MGST1: variants seen among roughly 807,000 people sequenced by gnomAD.
The protein encoded by MGST1 is microsomal glutathione S-transferase 1, also known as glutathione S-transferase 12.
A neutral mutation model predicts 8.9 loss-of-function variants in MGST1; 5 were observed. The ratio of observed to expected loss-of-function variants is 0.56; its 90% CI spans 0.29 to 1.19. The LOEUF (loss-of-function observed/expected upper bound fraction) is 1.19, where lower values mean the gene tolerates loss of function less well. Among genes scored for constraint, MGST1 ranks in the 50% most tolerant of loss-of-function variants. The pLI, the probability that MGST1 is intolerant of heterozygous loss-of-function variation, is 0.08. For missense variants in MGST1, 182 were observed against 187.4 expected (o/e 0.97, Z 0.17); for synonymous variants, 54 against 67.8 (o/e 0.80, Z 1.00).
intron 4 of MGST1, among the ~76,000 whole-genome samples, chr12:16,528,963 A>T (rs1424101071): frequency 3.3e-5 from 5 of 151,998 alleles, no homozygotes; most frequent in Admixed American, 3.3e-4. Context: ...TTGTTAGAAG[A>T]TGAAAGTCAG....
chr12:16,392,359 T>G (rs370654294), intron 1 of MGST1, among the ~76,000 whole-genome samples: 3 of 152,326 alleles, frequency 2.0e-5, no homozygotes, highest in Non-Finnish European at 4.4e-5. Context: ...GTTAATTTCA[T>G]TGGCACTCTC....
chr12:16,411,468 A>T (rs1206272698), intron 1 of MGST1, among the ~76,000 whole-genome samples: 1 of 152,248 alleles, frequency 6.6e-6, no homozygotes, highest in East Asian at 1.9e-4. Context: ...TGTGTTAAAT[A>T]TAACAGATTA....
chr12:16,377,379 G>C (rs370215905), downstream of MGST1, among the ~76,000 whole-genome samples: 1 of 142,844 alleles, frequency 7.0e-6, no homozygotes, highest in Admixed American at 7.6e-5. Context: ...TCCCACCTAT[G>C]AGTGAGAACA....
At chr12:16,435,585 A>G (rs1263269745) in intron 1 of MGST1, among the ~76,000 whole-genome samples, 1 of 151,974 alleles carries the variant, frequency 6.6e-6, no homozygotes, top group Non-Finnish European at 1.5e-5. Context: ...GAAAATTTTC[A>G]TCCATTCAAC....
rs1160076814 is a variant in MGST1 at position 16,434,679 on chromosome 12, T to C, written n.779-2709T>C. 2.6e-5 allele frequency among the ~76,000 whole-genome samples: 4 copies of C among 152,178 alleles called. No homozygotes were observed. The East Asian group carries it at 5.8e-4, about 22-fold the overall frequency. The stretch of plus-strand genomic sequence containing the variant: ...ACTTTTTTCTTTCTTTTCTTTTTTT[T>C]ATTTTTCAGCAGGGAGAAGTGGGAG... On this transcript the variant is annotated intron_variant and non_coding_transcript_variant, in intron 1 of 1. Coordinates refer to the MGST1 transcript ENST00000359720.
chr12:16,519,944 A>G lies in MGST1; in HGVS notation n.483-69584A>G, dbSNP rs545270992. Among the ~76,000 whole-genome samples the G allele has an allele frequency of 3.3e-5, 5 of 152,324 alleles. No individual in the cohort carries two copies. In the East Asian group the frequency reaches 9.7e-4, roughly 29 times the overall value. ...AACAGCAATTTCATGTGGTACAATCAGATACATGTTGCCTCTGGTGAGGAA... is the reference window on the plus strand; with the variant it reads ...AACAGCAATTTCATGTGGTACAATCGGATACATGTTGCCTCTGGTGAGGAA... On this transcript the variant is annotated intron_variant and non_coding_transcript_variant, in intron 4 of 4. Transcript: ENST00000538857.
chr12:16,430,265 A>C (rs376695789), intron 1 of MGST1, among the ~76,000 whole-genome samples: 1 of 152,160 alleles, frequency 6.6e-6, no homozygotes, highest in African/African-American at 2.4e-5. Context: ...AAACTCATCC[A>C]TGAGGTTTGG....
chr12:16,440,709 T>A (rs1157243639), downstream of MGST1, among the ~76,000 whole-genome samples: 1 of 151,890 alleles, frequency 6.6e-6, no homozygotes, highest in Non-Finnish European at 1.5e-5. Context: ...ACCAATAGTT[T>A]TGTACCTATT....
intron 3 of MGST1, among the ~76,000 whole-genome samples, chr12:16,374,822 G>T (rs1387616491): frequency 1.3e-5 from 2 of 151,878 alleles, no homozygotes; most frequent in Non-Finnish European, 2.9e-5. Context: ...TAAACTTTAG[G>T]ATATATATAT....
chr12:16,513,875 G>A lies in MGST1; in HGVS notation n.483-75653G>A, dbSNP rs560997057. ...CTGCCCAAACCAACCTGGGGAAGTC[G>A]CACACCCATCTTCAGGGATACTGGC... On this transcript the variant is annotated intron_variant and non_coding_transcript_variant, in intron 4 of 4. Coordinates refer to the MGST1 transcript ENST00000538857. The surrounding 1 kb of genome is among the most constrained non-coding windows in gnomAD (Gnocchi z 4.2). 212 of 605,458 alleles carry A rather than the reference G, an allele frequency of 3.5e-4. 2 individuals carry two copies. The highest frequency in any genetic ancestry group is 1.0e-3 in the African/African-American group (54 of 53,918). 37.5% of individuals were successfully genotyped at this position (605,458 alleles called of 1,614,324 possible).
chr12:16,585,541 A>G lies in MGST1; in HGVS notation n.483-3987A>G, dbSNP rs1423527493. Among the ~76,000 whole-genome samples the G allele has an allele frequency of 6.6e-6, 1 of 152,194 alleles. No individual in the cohort carries two copies. The highest frequency in any genetic ancestry group is 1.5e-5 in the Non-Finnish European group (1 of 68,030). The stretch of plus-strand genomic sequence containing the variant: ...AGATTAGAAAACTAATTTCATCACA[A>G]TCTCCCCTTTCCTAAATTCCTCTCA... On this transcript the variant is annotated intron_variant and non_coding_transcript_variant, in intron 4 of 4. Transcript: ENST00000538857. The surrounding 1 kb of genome is among the most constrained non-coding windows in gnomAD (Gnocchi z 4.7).
downstream of MGST1, among the ~76,000 whole-genome samples, chr12:16,590,601 A>C (rs1454633999): frequency 2.7e-5 from 4 of 150,786 alleles, no homozygotes; most frequent in African/African-American, 9.9e-5. Flanking sequence ...TTACCTAAGA[A>C]TTAAAAAAAA....
At chr12:16,350,668 G>C (rs1939419002) in intron 1 of MGST1, 1 of 152,186 alleles carries the variant, frequency 6.6e-6, no homozygotes, top group Non-Finnish European at 1.5e-5. Context: ...GTTTACAACA[G>C]CATTGCCTTA....
intron 4 of MGST1, among the ~76,000 whole-genome samples, chr12:16,456,325 C>T (rs1416322471): frequency 2.6e-5 from 4 of 151,672 alleles, no homozygotes; most frequent in African/African-American, 7.3e-5. Context: ...TACATTGTAG[C>T]CCCAAACCAT....
intron 1 of MGST1, among the ~76,000 whole-genome samples, chr12:16,388,486 C>A (rs545094758): frequency 1.3e-5 from 2 of 152,162 alleles, no homozygotes; most frequent in East Asian, 3.9e-4. Context: ...CTGGCAGGGG[C>A]CAGTTGTTAC....
At chr12:16,514,082 A>G in intron 4 of MGST1, 1 of 384,652 alleles carries the variant, frequency 2.6e-6, no homozygotes, top group Non-Finnish European at 5.1e-6. Flanking sequence ...ACAGTGGTGA[A>G]GAAAACAAAA....
At chr12:16,441,444 G>C (rs1361139792), downstream of MGST1, among the ~76,000 whole-genome samples, 2 of 151,778 alleles carry the variant, frequency 1.3e-5, no homozygotes, top group African/African-American at 4.8e-5. Context: ...TTATGGTATT[G>C]TAAAGAATAG....
chr12:16,467,418 A>T (rs548697607), intron 4 of MGST1, among the ~76,000 whole-genome samples: 53 of 152,348 alleles, frequency 3.5e-4, no homozygotes, highest in African/African-American at 7.9e-4. Context: ...GAACATGTAT[A>T]TTCAAATATT....
chr12:16,508,083 A>G (rs2137176024), intron 4 of MGST1, among the ~76,000 whole-genome samples: 1 of 152,226 alleles, frequency 6.6e-6, no homozygotes, highest in Admixed American at 6.5e-5. Context: ...TTATGTACTT[A>G]GGGTCTCAGT....
Sources: allele counts gnomAD v4.1 joint callset (sites outside exome capture counted in the v4.1 genomes callset), GRCh38; gene constraint gnomAD v4.1.1; non-coding constraint Gnocchi (gnomAD v3.1); transcripts MANE v1.5; gene names NCBI Gene and HGNC (gene_info 2026-07-23, HGNC 2026-07-21).